The following KANK3 variants were observed in gnomAD, a reference collection of about 807,000 sequenced individuals.
KANK3 encodes the protein KN motif and ankyrin repeat domains 3.
In KANK3, 61 loss-of-function variants were observed where a neutral mutation model predicts 65.4. That is an observed-to-expected ratio of 0.93 (90% confidence interval 0.76 to 1.15). The LOEUF (loss-of-function observed/expected upper bound fraction) is 1.15. Among genes scored for constraint, KANK3 ranks in the 50% most tolerant of loss-of-function variants. The pLI is 0.00. For synonymous variants in KANK3, 586 were observed against 543.3 expected (o/e 1.08, Z -1.09); for missense variants, 1,187 against 1,178.8 (o/e 1.01, Z -0.10).
In KANK3 at chr19:8,335,340, C is replaced by T. The variant is rs1970616562; in HGVS notation, c.487G>A (p.Gly163Arg). The change falls in exon 3 of 11, where the codon GGG (glycine) becomes AGG (arginine). Residue 163 changes from glycine (G) to arginine (R), a missense_variant. By Grantham distance (125) the Gly-to-Arg change is moderately radical (BLOSUM62 -2). Around this residue, in one of 3 missense-constraint regions of KANK3, gnomAD observed 1,078 missense variants for 1,038.2 expected, o/e 1.04. Coordinates refer to ENST00000330915, the MANE Select transcript of KANK3 (RefSeq NM_198471.3). The part of the protein sequence containing the change: ...PGRGVPRSPR[G>R]SGRSSPAPNL... ...GGGGCGGGGCTGCTGCGGCCGGACC[C>T]GCGTGGGCTGCGCGGGACCCCGCGG... The T allele has an allele frequency of 8.4e-7, 1 of 1,193,988 alleles. No individual in the cohort carries two copies. Among genetic ancestry groups the T allele is most frequent in the East Asian group, 3.6e-5 (1 of 28,032 alleles). 74.0% of individuals were successfully genotyped at this position (1,193,988 alleles called of 1,614,324 possible).
At chr19:8,330,994 T>G (rs1218282383) in intron 7 of KANK3, among the ~76,000 whole-genome samples, 1 of 151,446 alleles carries the variant, frequency 6.6e-6, no homozygotes, top group Non-Finnish European at 1.5e-5. Flanking sequence ...GGTAAGCAGT[T>G]TGAGCCTGGC....
In KANK3 at chr19:8,334,492, G is replaced by T. The variant is rs762872392; in HGVS notation, c.1327+8C>A. Reference sequence around the variant, plus strand: ...AAGCCAGGGCCCAGCGACGGGGTCGGGACTCACCCGCGGGCGCCACGGCCC... The same window carrying T: ...AAGCCAGGGCCCAGCGACGGGGTCGTGACTCACCCGCGGGCGCCACGGCCC... On this transcript the variant is annotated splice_region_variant and intron_variant, in intron 3 of 10. Coordinates refer to ENST00000330915, the MANE Select transcript of KANK3 (RefSeq NM_198471.3). 6.2e-7 allele frequency: 1 copy of T among 1,606,458 alleles called. No homozygotes were observed. The highest frequency in any genetic ancestry group is 1.7e-5 in the Admixed American group (1 of 59,968).
At chr19:8,325,715 T>A (rs1045698998) in intron 7 of KANK3, among the ~76,000 whole-genome samples, 8 of 152,302 alleles carry the variant, frequency 5.3e-5, no homozygotes, top group African/African-American at 1.9e-4. Context: ...AAGGATATGT[T>A]TATTTTCATG....
chr19:8,324,586 C>T, intron 9 of KANK3, 39 bp from the exon 10 acceptor site: 1 of 1,612,454 alleles, frequency 6.2e-7, no homozygotes, highest in Non-Finnish European at 8.5e-7. Context: ...CTGAGCCAAG[C>T]CATGGGCACC....
In KANK3 at chr19:8,333,439, G is replaced by C. The variant is rs1970566235; in HGVS notation, c.1720-209C>G. 6.6e-6 allele frequency among the ~76,000 whole-genome samples: 1 copy of C among 152,240 alleles called. No individual in the cohort carries two copies. The highest frequency in any genetic ancestry group is 1.5e-5 in the Non-Finnish European group (1 of 68,040). On this transcript the variant is annotated intron_variant, in intron 6 of 10. Transcript: ENST00000330915. The surrounding 1 kb of genome is among the most constrained non-coding windows in gnomAD (Gnocchi z 5.0). ...ATCGGAGGGCAAACACGGGGGAAGG[G>C]GGTCCTTTCCTTCCAGGGAAGAATT...
intron 7 of KANK3, among the ~76,000 whole-genome samples, chr19:8,325,445 T>C (rs1174359612): frequency 6.6e-6 from 1 of 151,790 alleles, no homozygotes; most frequent in African/African-American, 2.4e-5. Context: ...CTAATTTTTG[T>C]ATTATTTAGT....
chr19:8,326,013 G>C (rs1970421229), intron 7 of KANK3, among the ~76,000 whole-genome samples: 1 of 152,056 alleles, frequency 6.6e-6, no homozygotes, highest in African/African-American at 2.4e-5. Context: ...TTTTAGTAGA[G>C]ACGGTTTCAC....
At chr19:8,340,191 G>A (rs1970705467) in intron 1 of KANK3, among the ~76,000 whole-genome samples, 1 of 139,408 alleles carries the variant, frequency 7.2e-6, no homozygotes, top group Non-Finnish European at 1.6e-5. Context: ...GAACCTGGGA[G>A]GCAGAGGTTG....
chr19:8,333,240 A>G lies in KANK3; in HGVS notation c.1720-10T>C, dbSNP rs773506799. 1.2e-5 allele frequency: 19 copies of G among 1,602,440 alleles called. No individual in the cohort carries two copies. The highest frequency in any genetic ancestry group is 1.6e-5 in the Non-Finnish European group (19 of 1,174,912). On this transcript the variant is annotated splice_polypyrimidine_tract_variant and intron_variant, in intron 6 of 10. Coordinates refer to ENST00000330915, the MANE Select transcript of KANK3 (RefSeq NM_198471.3). The surrounding 1 kb of genome is among the most constrained non-coding windows in gnomAD (Gnocchi z 5.0). ...CGAGGCGCACTGCGCCCTGCAAGGG[A>G]CAGGGGCCAAGATAACATCGGCGAT...
rs930406260 is a variant in KANK3 at position 8,333,218 on chromosome 19, G to C, written c.1732C>G (p.Leu578Val). The C allele has an allele frequency of 6.2e-7, 1 of 1,610,868 alleles. No individual in the cohort carries two copies. Among genetic ancestry groups the C allele is most frequent in the Admixed American group, 1.7e-5 (1 of 59,928 alleles). ...ACTCGAAACCACTCCTGGGCCACGA[G>C]GCGCACTGCGCCCTGCAAGGGACAG... ...GVASDGGAVR[L>V]VAQEWFRVSS... The change falls in exon 7 of 11, where the codon CTC (leucine) becomes GTC (valine). Residue 578 changes from leucine (L) to valine (V), a missense_variant. Coordinates refer to ENST00000330915, the MANE Select transcript of KANK3 (RefSeq NM_198471.3). This position sits in a 1 kb window ranked among gnomAD's most constrained non-coding sequence, Gnocchi z 5.0.
rs1223787807 is a variant in KANK3 at position 8,335,691 on chromosome 19, G to C, written c.136C>G (p.Leu46Val). The C allele has an allele frequency of 1.6e-6, 2 of 1,254,418 alleles. No homozygotes were observed. Among genetic ancestry groups the C allele is most frequent in the Non-Finnish European group, 1.0e-6 (1 of 995,512 alleles). The allele number at this position is 1,254,418 out of a possible 1,614,324, so 77.7% of individuals were successfully genotyped here. A position where few individuals can be genotyped will look rare whatever the true frequency, so the allele number is the denominator to read the frequency against. Reference sequence around the variant, plus strand: ...TCCTCTATGTACTTGAGGAAGTCCAGGTCCAGGTGGAAGCCGTAGGGCGTC... The same window carrying C: ...TCCTCTATGTACTTGAGGAAGTCCACGTCCAGGTGGAAGCCGTAGGGCGTC... The part of the protein sequence containing the change: ...VETPYGFHLD[L>V]DFLKYIEELE... The change falls in exon 3 of 11, where the codon CTG becomes GTG. Residue 46 changes from leucine to valine, a missense_variant. By Grantham distance (32) the Leu-to-Val change is conservative. Around this residue, in one of 3 missense-constraint regions of KANK3, gnomAD observed 104 missense variants for 122.1 expected, o/e 0.85. Coordinates refer to ENST00000330915, the MANE Select transcript of KANK3 (RefSeq NM_198471.3).
intron 7 of KANK3, among the ~76,000 whole-genome samples, chr19:8,328,258 T>C (rs1439015084): frequency 1.3e-5 from 2 of 151,934 alleles, no homozygotes; most frequent in Non-Finnish European, 2.9e-5. Context: ...ACAAAAAAAT[T>C]TAAAAAGAAT....
At chr19:8,342,479 T>G (rs1308515349) in intron 1 of KANK3, among the ~76,000 whole-genome samples, 1 of 152,112 alleles carries the variant, frequency 6.6e-6, no homozygotes, top group Non-Finnish European at 1.5e-5. Flanking sequence ...ACCCCCTCAT[T>G]AGGCCGTCAG....
At position 8,334,745 on chromosome 19, in the gene KANK3, C is replaced by T. The variant is rs1404201377; in HGVS notation, c.1082G>A (p.Ser361Asn). 1 of 1,527,046 alleles carries T rather than the reference C, an allele frequency of 6.5e-7. No homozygotes were observed. Among genetic ancestry groups the T allele is most frequent in the Non-Finnish European group, 8.7e-7 (1 of 1,144,350 alleles). 94.6% of individuals were successfully genotyped at this position (1,527,046 alleles called of 1,614,324 possible). ...AERELELLRA[S>N]LEHQRGVSEL... ...ACTCACCCCGCGCTGGTGCTCCAGA[C>T]TGGCGCGCAGCAGCTCTAGCTCGCG... The change falls in exon 3 of 11, where the codon AGT (serine) becomes AAT (asparagine). Residue 361 changes from serine to asparagine, a missense_variant. By Grantham distance (46) the Ser-to-Asn change is conservative. Transcript: ENST00000330915.
At chr19:8,325,430 C>T (rs1970411273) in intron 7 of KANK3, among the ~76,000 whole-genome samples, 1 of 150,984 alleles carries the variant, frequency 6.6e-6, no homozygotes, top group African/African-American at 2.4e-5. Flanking sequence ...TGCCATCACA[C>T]CCAGCTAATT....
At chr19:8,324,340 C>T (rs1970379261) in intron 10 of KANK3, 109 bp downstream of exon 10, 1 of 991,390 alleles carries the variant, frequency 1.0e-6, no homozygotes, top group African/African-American at 1.6e-5. Flanking sequence ...GTTCTGCACC[C>T]CTGGTGCCAC....
intron 7 of KANK3, among the ~76,000 whole-genome samples, chr19:8,331,667 A>G (rs1970527707): frequency 6.6e-6 from 1 of 152,104 alleles, no homozygotes; most frequent in South Asian, 2.1e-4. Context: ...ACAGTGCCCC[A>G]TCCCAGGAGG....
rs1388133505 is a variant in KANK3, at chr19:8,335,293, G to C, written c.534C>G (p.Pro178=). ...GCACCAGCTGCAGTTGGGCAGGGCC[G>C]GGCGAAGCAGGGGCAAGGTTAGGGG... is the stretch of plus-strand genomic sequence containing the variant. ...SPAPNLAPAS[P]GPAQLQLVRE... is the part of the protein sequence containing the mutation. Residue 178 remains proline, a synonymous_variant, in exon 3 of 11, where the codon CCC becomes CCG. Coordinates refer to ENST00000330915, the MANE Select transcript of KANK3 (RefSeq NM_198471.3). 8 of 1,207,928 alleles carry C rather than the reference G, an allele frequency of 6.6e-6. No homozygotes were observed. Among genetic ancestry groups the C allele is most frequent in the Middle Eastern group, 3.3e-4 (1 of 3,036 alleles). The allele number at this position is 1,207,928 out of a possible 1,614,324, so 74.8% of individuals were successfully genotyped here.
intron 2 of KANK3, among the ~76,000 whole-genome samples, chr19:8,337,163 G>A (rs1422831725): frequency 3.3e-5 from 5 of 150,984 alleles, no homozygotes; most frequent in Non-Finnish European, 5.9e-5. Context: ...CTCCTGAGTA[G>A]CTGGGACTAC....
Sources: allele counts gnomAD v4.1 joint callset (sites outside exome capture counted in the v4.1 genomes callset), GRCh38; gene constraint gnomAD v4.1.1; regional missense constraint gnomAD v4.1.1; non-coding constraint Gnocchi (gnomAD v3.1); transcripts MANE v1.5; gene names NCBI Gene and HGNC (gene_info 2026-07-23, HGNC 2026-07-21).